Variants in XPR1 observed in about 807,000 individuals in gnomAD.
XPR1 encodes xenotropic and polytropic retrovirus receptor 1.
XPR1 carries 28 observed loss-of-function variants against 87.5 expected under a neutral mutation model. The observed-to-expected ratio is 0.32, with a 90% confidence interval of 0.24 to 0.44. The LOEUF is 0.44. Ranked by LOEUF, XPR1 falls within the 20% of genes least tolerant of loss-of-function variation. The pLI is 1.00. For synonymous variants in XPR1, 300 were observed against 306.1 expected, an observed-to-expected ratio of 0.98 and a Z score of 0.21; for missense variants, 559 against 862.3, an observed-to-expected ratio of 0.65 and a Z score of 4.41.
intron 2 of XPR1, among the ~76,000 whole-genome samples, chr1:180,781,659 C>CT (rs545300898): frequency 5.5e-4 from 82 of 149,094 alleles, no homozygotes; most frequent in Non-Finnish European, 7.1e-4. Context: ...CACTTGTTTG[C>CT]TTTTTTTTAA....
chr1:180,638,893 TAA>T (rs1345813106), intron 1 of XPR1, among the ~76,000 whole-genome samples: 1 of 152,212 alleles, frequency 6.6e-6, no homozygotes, highest in Non-Finnish European at 1.5e-5. Flanking sequence ...TTTTGTAACT[TAA>T]GTTATATTCC....
At chr1:180,742,282 T>A (rs1658947289) in intron 2 of XPR1, among the ~76,000 whole-genome samples, 1 of 152,148 alleles carries the variant, frequency 6.6e-6, no homozygotes, top group Non-Finnish European at 1.5e-5. Context: ...TATCATAAAT[T>A]CCCCTGTAAG....
intron 11 of XPR1, among the ~76,000 whole-genome samples, chr1:180,863,353 A>C (rs1338141838): frequency 6.6e-6 from 1 of 152,144 alleles, no homozygotes; most frequent in African/African-American, 2.4e-5. Flanking sequence ...AATCTTTTTC[A>C]TATTTTGCAC....
chr1:180,636,512 C>T (rs1235306685), intron 1 of XPR1, among the ~76,000 whole-genome samples: 4 of 152,070 alleles, frequency 2.6e-5, no homozygotes, highest in Non-Finnish European at 4.4e-5. Flanking sequence ...TATACTTGTC[C>T]GTTTATCCTG....
chr1:180,857,618 C>G (rs1652079075), intron 11 of XPR1, among the ~76,000 whole-genome samples: 1 of 152,104 alleles, frequency 6.6e-6, no homozygotes, highest in Non-Finnish European at 1.5e-5. Flanking sequence ...CTTATTGATT[C>G]CTTTTCTATG....
intron 3 of XPR1, among the ~76,000 whole-genome samples, chr1:180,789,010 T>C (rs1245934820): frequency 6.6e-6 from 1 of 152,208 alleles, no homozygotes; most frequent in Non-Finnish European, 1.5e-5. Flanking sequence ...AGGCTGATCA[T>C]TCTCTTTTAT....
At chr1:180,651,690 G>A (rs1328714983) in intron 1 of XPR1, among the ~76,000 whole-genome samples, 1 of 152,150 alleles carries the variant, frequency 6.6e-6, no homozygotes, top group Non-Finnish European at 1.5e-5. Flanking sequence ...ATAATGCCTA[G>A]TTTATTAAGG....
intron 2 of XPR1, among the ~76,000 whole-genome samples, chr1:180,683,212 G>A (rs1170024321): frequency 6.6e-6 from 1 of 151,070 alleles, no homozygotes; most frequent in Non-Finnish European, 1.5e-5. Context: ...GAGAACATGT[G>A]GTGTTTGGTT....
chr1:180,740,846 G>A (rs1658894114), intron 2 of XPR1, among the ~76,000 whole-genome samples: 1 of 152,162 alleles, frequency 6.6e-6, no homozygotes, highest in South Asian at 2.1e-4. Context: ...TCCCATGTCT[G>A]AAGGGCCTGC....
chr1:180,862,399 C>T (rs72707419), intron 11 of XPR1, among the ~76,000 whole-genome samples: 8,124 of 152,102 alleles, frequency 0.053, 314 homozygotes, highest in Non-Finnish European at 0.079. Context: ...GTACTTCCCC[C>T]CACCTTCTCA....
chr1:180,671,110 T>A (rs1236372460), intron 1 of XPR1, among the ~76,000 whole-genome samples: 1 of 152,138 alleles, frequency 6.6e-6, no homozygotes, highest in African/African-American at 2.4e-5. Context: ...ATCAAAGTGG[T>A]TTTTTCCATT....
intron 1 of XPR1, among the ~76,000 whole-genome samples, chr1:180,673,686 T>G (rs576600239): frequency 1.3e-5 from 2 of 152,332 alleles, no homozygotes; most frequent in African/African-American, 4.8e-5. Flanking sequence ...ATCTAGGTTG[T>G]GTGCTTTTCA....
At position 180,834,856 on chromosome 1, in the gene XPR1, AT is replaced by A. The variant is rs113553362; in HGVS notation, c.1135-8del. ...ACTTTTCTTGTTTCTGTGTTTTCTG[AT>A]TTTTTTTTTCTTTCAGTTTCGAGTA... On this transcript the variant is annotated splice_polypyrimidine_tract_variant and intron_variant, in intron 9 of 14. Transcript: ENST00000367590. 2.4e-4 allele frequency: 364 copies of A among 1,487,098 alleles called. No homozygotes were observed. The highest frequency in any genetic ancestry group is 8.5e-4 in the South Asian group (67 of 78,462). The allele number at this position is 1,487,098 out of a possible 1,614,324, so 92.1% of individuals were successfully genotyped here.
At chr1:180,688,171 G>A (rs1027126601) in intron 2 of XPR1, among the ~76,000 whole-genome samples, 1 of 150,398 alleles carries the variant, frequency 6.6e-6, no homozygotes, top group Non-Finnish European at 1.5e-5. Flanking sequence ...TCCTGCCTCA[G>A]CCTCCTGTGT....
chr1:180,837,719 T>G (rs996772061), intron 11 of XPR1, among the ~76,000 whole-genome samples: 3 of 152,184 alleles, frequency 2.0e-5, no homozygotes, highest in African/African-American at 7.2e-5. Flanking sequence ...TTAAATGATA[T>G]AATTTAAGTA....
At chr1:180,722,596 G>GT (rs912491344) in intron 2 of XPR1, among the ~76,000 whole-genome samples, 3 of 152,070 alleles carry the variant, frequency 2.0e-5, no homozygotes, top group Non-Finnish European at 4.4e-5. Context: ...TATCAGTTTT[G>GT]TTTTTATCTG....
chr1:180,680,029 C>T (rs762989998), intron 1 of XPR1, among the ~76,000 whole-genome samples: 1 of 152,042 alleles, frequency 6.6e-6, no homozygotes, highest in Non-Finnish European at 1.5e-5. Context: ...ACTCAAACAT[C>T]TTAACAGCAA....
chr1:180,797,788 T>G (rs896622454), intron 3 of XPR1, among the ~76,000 whole-genome samples: 11 of 152,172 alleles, frequency 7.2e-5, no homozygotes, highest in Non-Finnish European at 1.2e-4. Flanking sequence ...TCTAAGTCAT[T>G]AGGACATAAA....
At chr1:180,846,030 C>T (rs1651668304) in intron 11 of XPR1, among the ~76,000 whole-genome samples, 1 of 152,098 alleles carries the variant, frequency 6.6e-6, no homozygotes, top group South Asian at 2.1e-4. Flanking sequence ...GAGGCCAAGG[C>T]AGGCAGATTA....
Sources: allele counts gnomAD v4.1 joint callset (sites outside exome capture counted in the v4.1 genomes callset), GRCh38; gene constraint gnomAD v4.1.1; transcripts MANE v1.5; gene names NCBI Gene and HGNC (gene_info 2026-07-23, HGNC 2026-07-21).